Variants in PTPN13 observed in about 807,000 individuals in gnomAD.
PTPN13 encodes the protein tyrosine-protein phosphatase non-receptor type 13.
Under a neutral mutation model 284.0 loss-of-function variants are expected in PTPN13, and 191 were observed. That is an observed-to-expected ratio of 0.67 (90% CI 0.60 to 0.76). The LOEUF (loss-of-function observed/expected upper bound fraction) is 0.76. Ranked by LOEUF, PTPN13 falls within the 30% of genes least tolerant of loss-of-function variation. PTPN13 has a pLI of 0.00. For missense variants in PTPN13, 2,797 were observed against 2,939.9 expected (o/e 0.95, Z 1.12); for synonymous variants, 986 against 1,022.3 (o/e 0.96, Z 0.68).
At chr4:86,607,547 T>A (rs1032472040) in intron 1 of PTPN13, among the ~76,000 whole-genome samples, 4 of 152,006 alleles carry the variant, frequency 2.6e-5, no homozygotes, top group African/African-American at 9.7e-5. Context: ...AAACTGAGGC[T>A]TAGAGAGGCT....
chr4:86,609,034 T>A (rs1351431454), intron 1 of PTPN13, among the ~76,000 whole-genome samples: 1 of 152,170 alleles, frequency 6.6e-6, no homozygotes, highest in East Asian at 1.9e-4. Context: ...TAAATTTTAG[T>A]TTATCACATG....
At chr4:86,711,242 G>T (rs1732383376) in intron 7 of PTPN13, among the ~76,000 whole-genome samples, 1 of 151,552 alleles carries the variant, frequency 6.6e-6, no homozygotes, top group Non-Finnish European at 1.5e-5. Context: ...TCAAACTCCT[G>T]GGCTCGATCA....
In PTPN13 at chr4:86,722,438, A is replaced by G. The variant is rs1733777584; in HGVS notation, c.1608+4A>G. On this transcript the variant is annotated splice_donor_region_variant and intron_variant, in intron 10 of 47. Transcript: ENST00000411767. ...CATGACTCAAAGAAAACTGAGGGTA[A>G]GTTGATTCTCAGGTTACTACACATC... The G allele has an allele frequency of 6.2e-7, 1 of 1,606,292 alleles. No individual in the cohort carries two copies. Among genetic ancestry groups the G allele is most frequent in the Non-Finnish European group, 8.5e-7 (1 of 1,173,070 alleles).
intron 1 of PTPN13, among the ~76,000 whole-genome samples, chr4:86,601,913 A>G (rs1425158873): frequency 1.3e-5 from 2 of 152,184 alleles, no homozygotes. Flanking sequence ...ACACTCTACT[A>G]GGCACTGGTG....
chr4:86,812,735 A>G (rs1255001575), intron 47 of PTPN13, among the ~76,000 whole-genome samples: 1 of 151,966 alleles, frequency 6.6e-6, no homozygotes, highest in Non-Finnish European at 1.5e-5. Flanking sequence ...CGAGAGAAGG[A>G]AGAGTGAAGG....
In PTPN13 at chr4:86,686,700, C is replaced by A. The variant is rs762877400; in HGVS notation, c.295-10C>A. 6.6e-7 allele frequency: 1 copy of A among 1,513,078 alleles called. No individual in the cohort carries two copies. The highest frequency in any genetic ancestry group is 2.4e-5 in the East Asian group (1 of 41,552). 93.7% of individuals were successfully genotyped at this position (1,513,078 alleles called of 1,614,324 possible). On this transcript the variant is annotated splice_polypyrimidine_tract_variant and intron_variant, in intron 3 of 47. Coordinates refer to ENST00000411767, the MANE Select transcript of PTPN13 (RefSeq NM_080683.3). ...ATCATAAAATTATTTCTTAAAAATT[C>A]TATTCCTAGATCCACATTTATTCTC... is the stretch of plus-strand genomic sequence containing the variant.
At chr4:86,759,777 C>T (rs1232950613) in intron 23 of PTPN13, among the ~76,000 whole-genome samples, 3 of 152,112 alleles carry the variant, frequency 2.0e-5, no homozygotes, top group Non-Finnish European at 2.9e-5. Context: ...ACATGCTTAT[C>T]TTATAGATTA....
intron 2 of PTPN13, among the ~76,000 whole-genome samples, chr4:86,669,938 A>G (rs1218394629): frequency 6.6e-6 from 1 of 152,112 alleles, no homozygotes; most frequent in Non-Finnish European, 1.5e-5. Context: ...GGACTTAGGT[A>G]CTGGAGAACT....
chr4:86,625,685 T>C (rs1721758461), intron 1 of PTPN13, among the ~76,000 whole-genome samples: 1 of 152,128 alleles, frequency 6.6e-6, no homozygotes, highest in South Asian at 2.1e-4. Flanking sequence ...TCCTTGTGAT[T>C]GTAGGACCTT....
chr4:86,695,849 A>G (rs1730537889), intron 6 of PTPN13, among the ~76,000 whole-genome samples: 1 of 152,010 alleles, frequency 6.6e-6, no homozygotes, highest in Non-Finnish European at 1.5e-5. Context: ...ATGTTGTATT[A>G]TTAATTTTTG....
At chr4:86,800,433 T>A (rs1485336618) in intron 42 of PTPN13, among the ~76,000 whole-genome samples, 3 of 151,894 alleles carry the variant, frequency 2.0e-5, no homozygotes, top group Non-Finnish European at 4.4e-5. Context: ...AGCAGGCTGA[T>A]CACCTGAGGT....
chr4:86,684,192 G>A (rs1446381784), intron 3 of PTPN13, among the ~76,000 whole-genome samples: 1 of 152,000 alleles, frequency 6.6e-6, no homozygotes, highest in African/African-American at 2.4e-5. Context: ...TCATCAAAGT[G>A]TGGTGCAGAA....
At position 86,793,761 on chromosome 4, in the gene PTPN13, A is replaced by G. The variant is rs566279744; in HGVS notation, c.6346-3113A>G. Among the ~76,000 whole-genome samples the G allele has an allele frequency of 1.0e-3, 156 of 152,246 alleles. 1 individual carries two copies. The highest frequency in any genetic ancestry group is 1.9e-3 in the Non-Finnish European group (129 of 68,038). ...ACCTGCTCCTGAATGACTACTGGGT[A>G]TATAACAAAATGAAGGCAGAAATAA... On this transcript the variant is annotated intron_variant, in intron 40 of 47. Coordinates refer to ENST00000411767, the MANE Select transcript of PTPN13 (RefSeq NM_080683.3).
At chr4:86,808,459 AC>A (rs1744879311) in intron 45 of PTPN13, among the ~76,000 whole-genome samples, 1 of 152,130 alleles carries the variant, frequency 6.6e-6, no homozygotes, top group African/African-American at 2.4e-5. Flanking sequence ...GTTCTCCCTC[AC>A]CTTACTACAC....
intron 1 of PTPN13, among the ~76,000 whole-genome samples, chr4:86,618,753 C>T (rs1010198779): frequency 3.3e-5 from 5 of 152,134 alleles, no homozygotes; most frequent in African/African-American, 1.2e-4. Flanking sequence ...TATAAGAATA[C>T]TTGTGATTTT....
At chr4:86,814,405 A>T (rs1026656422) in intron 47 of PTPN13, 51 bp from the exon 48 acceptor site, 19 of 1,177,192 alleles carry the variant, frequency 1.6e-5, no homozygotes, top group Non-Finnish European at 2.3e-5. Flanking sequence ...TATATATATA[A>T]TATTTACATT....
At chr4:86,752,645 A>G (rs904157699) in intron 19 of PTPN13, among the ~76,000 whole-genome samples, 2 of 152,162 alleles carry the variant, frequency 1.3e-5, no homozygotes, top group Admixed American at 6.5e-5. Flanking sequence ...AGAAAACATA[A>G]AACACTCTTA....
chr4:86,771,037 G>A, intron 30 of PTPN13, 134 bp from the exon 31 acceptor site: 1 of 881,652 alleles, frequency 1.1e-6, no homozygotes. Flanking sequence ...TTTCTCTATT[G>A]AACATAAATT....
intron 35 of PTPN13, among the ~76,000 whole-genome samples, chr4:86,779,436 A>C (rs892826301): frequency 2.0e-5 from 3 of 149,936 alleles, no homozygotes; most frequent in South Asian, 4.2e-4. Flanking sequence ...AAAAAAAATG[A>C]TGTATGTGGG....
Sources: allele counts gnomAD v4.1 joint callset (sites outside exome capture counted in the v4.1 genomes callset), GRCh38; gene constraint gnomAD v4.1.1; transcripts MANE v1.5; gene names NCBI Gene and HGNC (gene_info 2026-07-23, HGNC 2026-07-21).